The following RFX3 variants were observed in gnomAD, a reference collection of about 807,000 sequenced individuals.
RFX3 encodes the protein regulatory factor X3, also known as transcription factor RFX3.
RFX3 carries 14 observed loss-of-function variants against 98.6 expected under a neutral mutation model. The observed-to-expected ratio is 0.14, with a 90% CI of 0.09 to 0.22. The LOEUF is 0.22. RFX3 is among the 10% of genes least tolerant of loss of function. RFX3 has a pLI of 1.00. For missense variants in RFX3, 639 were observed against 926.9 expected (o/e 0.69, Z 4.03); for synonymous variants, 383 against 328.4 (o/e 1.17, Z -1.80).
chr9:3,437,458 A>G (rs1845236179), intron 1 of RFX3, among the ~76,000 whole-genome samples: 1 of 152,092 alleles, frequency 6.6e-6, no homozygotes, highest in African/African-American at 2.4e-5. Flanking sequence ...GAATACCCTG[A>G]TTTATATAGC....
At chr9:3,228,800 A>G in intron 16 of RFX3, 47 bp downstream of exon 16, 1 of 1,485,184 alleles carries the variant, frequency 6.7e-7, no homozygotes, top group Non-Finnish European at 9.3e-7. Flanking sequence ...GTAAGAACTT[A>G]TTAATAAATA....
At chr9:3,410,238 C>G (rs1262225132) in intron 1 of RFX3, among the ~76,000 whole-genome samples, 1 of 136,986 alleles carries the variant, frequency 7.3e-6, no homozygotes, top group Non-Finnish European at 1.6e-5. Context: ...GTTCACAGCA[C>G]TTTATATTCT....
At chr9:3,230,847 C>T (rs1466594612) in intron 15 of RFX3, among the ~76,000 whole-genome samples, 3 of 152,248 alleles carry the variant, frequency 2.0e-5, no homozygotes, top group Non-Finnish European at 4.4e-5. Flanking sequence ...TATTGCTGAT[C>T]AATAATATCA....
chr9:3,304,044 T>C (rs7025835), intron 4 of RFX3, among the ~76,000 whole-genome samples: 5,871 of 152,016 alleles, frequency 0.039, 356 homozygotes, highest in African/African-American at 0.13. Flanking sequence ...AAGACTGAGT[T>C]CTTCTACAAG....
chr9:3,360,175 T>C (rs1206538676), intron 2 of RFX3, among the ~76,000 whole-genome samples: 1 of 152,120 alleles, frequency 6.6e-6, no homozygotes, highest in Non-Finnish European at 1.5e-5. Context: ...AAACTCTCTA[T>C]GAAATTAATC....
At chr9:3,381,611 TTTTA>T (rs1177466657) in intron 2 of RFX3, among the ~76,000 whole-genome samples, 1 of 152,110 alleles carries the variant, frequency 6.6e-6, no homozygotes, top group African/African-American at 2.4e-5. Context: ...TCATAAGCAT[TTTTA>T]TTTAAGAATA....
At chr9:3,415,670 C>G (rs991690876) in intron 1 of RFX3, among the ~76,000 whole-genome samples, 3 of 152,124 alleles carry the variant, frequency 2.0e-5, no homozygotes, top group Non-Finnish European at 4.4e-5. Flanking sequence ...CACAGTCTCC[C>G]TGAAATATTT....
chr9:3,379,372 G>T (rs1838920438), intron 2 of RFX3, among the ~76,000 whole-genome samples: 1 of 151,934 alleles, frequency 6.6e-6, no homozygotes, highest in Admixed American at 6.6e-5. Flanking sequence ...ATAAAGCAAG[G>T]TATAAACAAT....
chr9:3,413,057 C>A (rs528088002), intron 1 of RFX3, among the ~76,000 whole-genome samples: 5 of 151,602 alleles, frequency 3.3e-5, no homozygotes, highest in East Asian at 1.9e-4. Flanking sequence ...ACAGGAAAAA[C>A]CAAAAAACCT....
At chr9:3,312,859 C>A (rs932729090) in intron 4 of RFX3, among the ~76,000 whole-genome samples, 1 of 152,246 alleles carries the variant, frequency 6.6e-6, no homozygotes, top group East Asian at 1.9e-4. Context: ...GTAAACAAAG[C>A]GGCCTGGAAG....
chr9:3,347,149 C>T (rs1194486538), intron 2 of RFX3, among the ~76,000 whole-genome samples: 2 of 152,000 alleles, frequency 1.3e-5, no homozygotes, highest in African/African-American at 2.4e-5. Flanking sequence ...GGTGAAACCC[C>T]GTCTTTACTA....
Position 3,286,692 on chromosome 9 carries a change from T to C in RFX3, c.851+1439A>G, listed in dbSNP as rs562364012. ...ATGTTCTGCACAAAGAACAAACTTA[T>C]TAGCTTTACATACAAGCAAATCCCT... is the stretch of plus-strand genomic sequence containing the variant. On this transcript the variant is annotated intron_variant, in intron 7 of 16. Coordinates refer to ENST00000617270, the MANE Select transcript of RFX3 (RefSeq NM_001282116.2). Among the ~76,000 whole-genome samples, 5 of 152,088 alleles carry C rather than the reference T, an allele frequency of 3.3e-5. No homozygotes were observed. The East Asian group carries it at 5.8e-4, about 18-fold the overall frequency.
At chr9:3,243,752 C>G (rs766217883) in intron 15 of RFX3, among the ~76,000 whole-genome samples, 1 of 152,178 alleles carries the variant, frequency 6.6e-6, no homozygotes, top group Non-Finnish European at 1.5e-5. Context: ...TTTTCCAAAG[C>G]AAGCACCTGT....
intron 5 of RFX3, among the ~76,000 whole-genome samples, chr9:3,294,527 T>A (rs72699033): frequency 0.11 from 17,403 of 152,136 alleles, 1,003 homozygotes; most frequent in Middle Eastern, 0.2. Flanking sequence ...TATGGACATT[T>A]AAATAAATAA....
chr9:3,272,858 G>A (rs1466870207), intron 9 of RFX3, among the ~76,000 whole-genome samples: 2 of 152,046 alleles, frequency 1.3e-5, no homozygotes, highest in African/African-American at 4.8e-5. Context: ...TAAACAAATT[G>A]TGAGAATTCC....
intron 1 of RFX3, among the ~76,000 whole-genome samples, chr9:3,460,017 GA>G (rs926806894): frequency 1.3e-5 from 2 of 150,938 alleles, no homozygotes; most frequent in Admixed American, 1.3e-4. Flanking sequence ...ACATGATGGA[GA>G]AAAAAAAACT....
chr9:3,501,554 C>CTTTTT (rs1051300818), intron 1 of RFX3, among the ~76,000 whole-genome samples: 3 of 122,604 alleles, frequency 2.4e-5, no homozygotes, highest in African/African-American at 6.1e-5. Flanking sequence ...TTTTTTCCTT[C>CTTTTT]TTTTTTTTTT....
rs115238216 is a variant in RFX3 at position 3,444,919 on chromosome 9, T to C, written c.-8-49323A>G. 2.4e-3 allele frequency among the ~76,000 whole-genome samples: 365 copies of C among 152,330 alleles called. 2 individuals are homozygous for C. Among genetic ancestry groups the C allele is most frequent in the African/African-American group, 8.4e-3 (348 of 41,582 alleles). On this transcript the variant is annotated intron_variant, in intron 1 of 16. Transcript: ENST00000617270. Reference sequence around the variant, plus strand: ...GCAGAAACTCAAATGATCACTTTGTTAGGTGAGGGTCTAGGAGAAATTCCT... The same window carrying C: ...GCAGAAACTCAAATGATCACTTTGTCAGGTGAGGGTCTAGGAGAAATTCCT...
At chr9:3,504,281 CAT>C (rs747219413) in intron 1 of RFX3, among the ~76,000 whole-genome samples, 4 of 125,118 alleles carry the variant, frequency 3.2e-5, no homozygotes, top group South Asian at 2.3e-4. Flanking sequence ...TTGTATATAA[CAT>C]ATAAAATATA....
Sources: allele counts gnomAD v4.1 joint callset (sites outside exome capture counted in the v4.1 genomes callset), GRCh38; gene constraint gnomAD v4.1.1; transcripts MANE v1.5; gene names NCBI Gene and HGNC (gene_info 2026-07-23, HGNC 2026-07-21).